DNAJC11: variants seen among roughly 807,000 people sequenced by gnomAD.
DNAJC11 encodes the protein DnaJ heat shock protein family (Hsp40) member C11, also known as dnaJ homolog subfamily C member 11.
A neutral mutation model predicts 78.6 loss-of-function variants in DNAJC11; 15 were observed. That is an observed-to-expected ratio of 0.19 (90% CI 0.13 to 0.29). DNAJC11 has a LOEUF of 0.29. Ranked by LOEUF, DNAJC11 falls within the 10% of genes least tolerant of loss-of-function variation. The pLI, the probability that DNAJC11 is intolerant of heterozygous loss-of-function variation, is 1.00. For synonymous variants in DNAJC11, 292 were observed against 272.1 expected, an observed-to-expected ratio of 1.07 and a Z score of -0.72; for missense variants, 547 against 709.6, an observed-to-expected ratio of 0.77 and a Z score of 2.60.
chr1:6,641,481 C>T (rs2148728208), intron 10 of DNAJC11, among the ~76,000 whole-genome samples: 1 of 143,686 alleles, frequency 7.0e-6, no homozygotes, highest in Non-Finnish European at 1.5e-5. Context: ...AAATAGTAAG[C>T]ATAAGAAGAC....
Position 6,654,033 on chromosome 1 carries a change from T to C in DNAJC11, c.385A>G (p.Ile129Val), listed in dbSNP as rs1375800530. ...LQQRTNPKGT[I>V]SVGVDATDLF... The stretch of plus-strand genomic sequence containing the variant: ...TCGGTGGCATCTACTCCAACGCTGA[T>C]CGTTCCCTGGGGCAGAAAAACAAGC... Residue 129 changes from isoleucine (I) to valine (V), a missense_variant, in exon 5 of 16, where the codon ATC becomes GTC. By Grantham distance (29) the Ile-to-Val change is conservative. Transcript: ENST00000377577. The C allele has an allele frequency of 6.2e-7, 1 of 1,612,582 alleles. No individual in the cohort carries two copies.
At position 6,678,394 on chromosome 1, in the gene DNAJC11, C is replaced by T; in HGVS notation, c.276G>A (p.Glu92=). ...ACACCAGACGCACAGTTTCTCTTAC[C>T]TCCCATCCTTCCATTTCCAGTCCTC... ...GKRGLEMEGW[E]VVERRRTPAE... Residue 92 remains glutamate, a splice_region_variant and synonymous_variant, in exon 3 of 16, where the codon GAG becomes GAA. Coordinates refer to ENST00000377577, the MANE Select transcript of DNAJC11 (RefSeq NM_018198.4). The T allele has an allele frequency of 6.2e-7, 1 of 1,613,860 alleles. No homozygotes were observed.
chr1:6,637,621 A>G, intron 12 of DNAJC11, 117 bp from the exon 13 acceptor site: 7 of 1,213,176 alleles, frequency 5.8e-6, no homozygotes, highest in Non-Finnish European at 8.4e-6. Flanking sequence ...GGGCCTGGAA[A>G]GGAAGGGAGT....
chr1:6,701,714 AGCCGCTG>A lies in DNAJC11; in HGVS notation c.72+8_72+14del. The A allele has an allele frequency of 6.5e-7, 1 of 1,539,198 alleles. No individual in the cohort carries two copies. Among genetic ancestry groups the A allele is most frequent in the Non-Finnish European group, 8.7e-7 (1 of 1,147,334 alleles). Reference sequence around the variant, plus strand: ...CTCGGCCTCAGCCCCCAGAGCGTCCAGCCGCTGGCCTCACCTCCCTGCGCACGTTCAG... The same window carrying A: ...CTCGGCCTCAGCCCCCAGAGCGTCCAGCCTCACCTCCCTGCGCACGTTCAG... On this transcript the variant is annotated splice_region_variant and intron_variant, in intron 1 of 15. Coordinates refer to ENST00000377577, the MANE Select transcript of DNAJC11 (RefSeq NM_018198.4).
intron 1 of DNAJC11, among the ~76,000 whole-genome samples, chr1:6,691,917 T>C (rs1642752561): frequency 6.6e-6 from 1 of 152,236 alleles, no homozygotes; most frequent in African/African-American, 2.4e-5. Context: ...ATATGCTATT[T>C]TATTTTTTCA....
At chr1:6,638,272 G>A (rs1191604404) in intron 12 of DNAJC11, 23 bp downstream of exon 12, 1 of 1,608,672 alleles carries the variant, frequency 6.2e-7, no homozygotes, top group Non-Finnish European at 8.5e-7. Context: ...GCCCTCGCTT[G>A]GGAACGGTGG....
rs1028745091 is a variant in DNAJC11 at position 6,653,767 on chromosome 1, T to C, written c.507+144A>G. 2 of 1,150,318 alleles carry C rather than the reference T, an allele frequency of 1.7e-6. No homozygotes were observed. Among genetic ancestry groups the C allele is most frequent in the Non-Finnish European group, 2.4e-6 (2 of 820,026 alleles). The allele number at this position is 1,150,318 out of a possible 1,614,324, so 71.3% of individuals were successfully genotyped here. On this transcript the variant is annotated intron_variant, in intron 5 of 15. Transcript: ENST00000377577. The surrounding 1 kb of genome is among the most constrained non-coding windows in gnomAD (Gnocchi z 4.5). The stretch of plus-strand genomic sequence containing the variant: ...TAACACACGGCTGGGAATGAAGCGC[T>C]TTCTTTTTTAAGTGGCTAATTGCAT...
chr1:6,666,744 C>T (rs137878112), intron 4 of DNAJC11, among the ~76,000 whole-genome samples: 67 of 152,240 alleles, frequency 4.4e-4, no homozygotes, highest in African/African-American at 1.5e-3. Flanking sequence ...AATAATGCTA[C>T]TTATAACTTT....
At chr1:6,684,360 G>T (rs963246071) in intron 1 of DNAJC11, among the ~76,000 whole-genome samples, 3 of 152,248 alleles carry the variant, frequency 2.0e-5, no homozygotes, top group Non-Finnish European at 2.9e-5. Flanking sequence ...GGGATTACAG[G>T]CGTGAGCCAC....
intron 4 of DNAJC11, among the ~76,000 whole-genome samples, chr1:6,656,573 T>A (rs1642129388): frequency 6.6e-6 from 1 of 151,758 alleles, no homozygotes; most frequent in Admixed American, 6.6e-5. Flanking sequence ...CAGAGATGAA[T>A]CAATTAAATG....
chr1:6,678,901 G>A (rs1642512315), intron 2 of DNAJC11, among the ~76,000 whole-genome samples: 1 of 152,060 alleles, frequency 6.6e-6, no homozygotes, highest in Non-Finnish European at 1.5e-5. Flanking sequence ...CTCTTGCCTT[G>A]GCCTTGCAAA....
chr1:6,662,413 C>G (rs1642230563), intron 4 of DNAJC11, among the ~76,000 whole-genome samples: 1 of 152,118 alleles, frequency 6.6e-6, no homozygotes, highest in Non-Finnish European at 1.5e-5. Flanking sequence ...AGGCTGGTCT[C>G]AAACTCCTGA....
Position 6,634,592 on chromosome 1 carries a change from A to G in DNAJC11, c.*1083T>C, listed in dbSNP as rs1318510331. Reference sequence around the variant, plus strand: ...AGAGCAACTGATGGCTGCCACTTCCAGGCCCCGAGAGACAGGCCTCACGTA... The same window carrying G: ...AGAGCAACTGATGGCTGCCACTTCCGGGCCCCGAGAGACAGGCCTCACGTA... On this transcript the variant is annotated 3_prime_UTR_variant, in exon 16 of 16. Coordinates refer to ENST00000377577, the MANE Select transcript of DNAJC11 (RefSeq NM_018198.4). 1 of 1,365,908 alleles carries G rather than the reference A, an allele frequency of 7.3e-7. No individual in the cohort carries two copies. The highest frequency in any genetic ancestry group is 9.8e-7 in the Non-Finnish European group (1 of 1,021,730). The allele number at this position is 1,365,908 out of a possible 1,614,324, so 84.6% of individuals were successfully genotyped here. A position where few individuals can be genotyped will look rare whatever the true frequency, so the allele number is the denominator to read the frequency against.
chr1:6,634,333 G>A lies in DNAJC11; in HGVS notation c.*1342C>T, dbSNP rs1410611792. On this transcript the variant is annotated 3_prime_UTR_variant, in exon 16 of 16. Transcript: ENST00000377577. The stretch of plus-strand genomic sequence containing the variant: ...TCACCGCGGCTCGGGCCGTGGGGCC[G>A]TCAGAGAAACCTTTTTAAAAAATGG... 6.5e-6 allele frequency: 7 copies of A among 1,078,310 alleles called. No homozygotes were observed. Among genetic ancestry groups the A allele is most frequent in the South Asian group, 3.3e-5 (2 of 60,272 alleles). The allele number at this position is 1,078,310 out of a possible 1,614,324, so 66.8% of individuals were successfully genotyped here. A position where few individuals can be genotyped will look rare whatever the true frequency, so the allele number is the denominator to read the frequency against.
rs752340028 is a variant in DNAJC11 at position 6,638,328 on chromosome 1, A to G, written c.1290T>C (p.Asp430=). The G allele has an allele frequency of 3.7e-6, 6 of 1,613,566 alleles. No homozygotes were observed. The highest frequency in any genetic ancestry group is 1.1e-5 in the South Asian group (1 of 91,030). ...LEKQRESAAT[D]VLQKKQEAES... ...CCGCCTCTTGCTTCTTCTGCAGCAC[A>G]TCGGTGGCGGCGCTTTCCCTCTGCT... is the stretch of plus-strand genomic sequence containing the variant. The change falls in exon 12 of 16, where the codon GAT becomes GAC. Residue 430 remains aspartate (D), a synonymous_variant. Transcript: ENST00000377577.
chr1:6,670,115 G>C (rs773669433), intron 3 of DNAJC11, among the ~76,000 whole-genome samples: 6 of 151,850 alleles, frequency 4.0e-5, no homozygotes, highest in African/African-American at 1.5e-4. Context: ...CACCACGCCT[G>C]GTTAATTTTT....
intron 3 of DNAJC11, among the ~76,000 whole-genome samples, chr1:6,671,425 A>G (rs918190067): frequency 1.3e-5 from 2 of 149,440 alleles, no homozygotes; most frequent in African/African-American, 4.9e-5. Flanking sequence ...TTTAGTAGAG[A>G]CGGGGTTTCA....
chr1:6,658,259 A>AT (rs1642160758), intron 4 of DNAJC11, among the ~76,000 whole-genome samples: 1 of 152,302 alleles, frequency 6.6e-6, no homozygotes, highest in East Asian at 1.9e-4. Context: ...CTGACAAGAG[A>AT]GTCTGGAGAT....
chr1:6,664,020 A>ATG lies in DNAJC11; in HGVS notation c.378+3687_378+3688dup, dbSNP rs773729639. 9.7e-4 allele frequency among the ~76,000 whole-genome samples: 146 copies of ATG among 151,230 alleles called. 2 individuals are homozygous for ATG. The East Asian group carries it at 0.017, about 17-fold the overall frequency. ...CCCATGGATGTGCCTGTGTTCCTGC[A>ATG]TGTGTGTGTGTGTGTGCATGCACGT... On this transcript the variant is annotated intron_variant, in intron 4 of 15. Coordinates refer to ENST00000377577, the MANE Select transcript of DNAJC11 (RefSeq NM_018198.4).
Sources: allele counts gnomAD v4.1 joint callset (sites outside exome capture counted in the v4.1 genomes callset), GRCh38; gene constraint gnomAD v4.1.1; non-coding constraint Gnocchi (gnomAD v3.1); transcripts MANE v1.5; gene names NCBI Gene and HGNC (gene_info 2026-07-23, HGNC 2026-07-21).